RMDN2: variants seen among roughly 807,000 people sequenced by gnomAD.
RMDN2 encodes regulator of microtubule dynamics protein 2.
Under a neutral mutation model 52.8 loss-of-function variants are expected in RMDN2, and 61 were observed. The observed-to-expected ratio is 1.16, with a 90% CI of 0.94 to 1.43. The LOEUF (loss-of-function observed/expected upper bound fraction) is 1.43. Among genes scored for constraint, RMDN2 ranks in the 40% most tolerant of loss-of-function variants. The pLI is 0.00. For missense variants in RMDN2, 592 were observed against 475.3 expected (o/e 1.25, Z -2.28); for synonymous variants, 180 against 153.1 (o/e 1.18, Z -1.30).
chr2:38,066,032 A>G (rs1682263829), intron 10 of RMDN2, among the ~76,000 whole-genome samples: 1 of 152,226 alleles, frequency 6.6e-6, no homozygotes, highest in Non-Finnish European at 1.5e-5. Flanking sequence ...ACACAGGCAC[A>G]CTGGGAAGGG....
intron 10 of RMDN2, chr2:38,029,758 G>T (rs975457668): frequency 6.6e-6 from 1 of 152,110 alleles, no homozygotes; most frequent in Admixed American, 6.6e-5. Flanking sequence ...AGCAGATCAG[G>T]CACAAGAGAT....
intron 1 of RMDN2, among the ~76,000 whole-genome samples, chr2:37,926,573 C>T (rs950538146): frequency 6.6e-6 from 1 of 150,834 alleles, no homozygotes; most frequent in Non-Finnish European, 1.5e-5. Flanking sequence ...GTTTTAAAAT[C>T]TGTTTGGTAA....
Position 38,017,536 on chromosome 2 carries a change from A to C in RMDN2, c.*297A>C. On this transcript the variant is annotated 3_prime_UTR_variant, in exon 11 of 11. Coordinates refer to ENST00000354545, the MANE Select transcript of RMDN2 (RefSeq NM_001170791.3). ...TTCTTTAAATAAAATATTTAAATCC[A>C]ATAAAATGAATTCTCATGAATATTT... 1 of 1,127,704 alleles carries C rather than the reference A, an allele frequency of 8.9e-7. No homozygotes were observed. The highest frequency in any genetic ancestry group is 1.5e-5 in the South Asian group (1 of 66,898). 69.9% of individuals were successfully genotyped at this position (1,127,704 alleles called of 1,614,324 possible). A position where few individuals can be genotyped will look rare whatever the true frequency, so the allele number is the denominator to read the frequency against.
chr2:38,012,896 T>TATAG (rs1450263922), intron 10 of RMDN2, among the ~76,000 whole-genome samples: 4 of 152,354 alleles, frequency 2.6e-5, no homozygotes, highest in African/African-American at 9.6e-5. Context: ...TTGTGGCATT[T>TATAG]ATAGCTTCTT....
At chr2:37,933,737 G>A (rs937273815) in intron 2 of RMDN2, among the ~76,000 whole-genome samples, 6 of 152,214 alleles carry the variant, frequency 3.9e-5, no homozygotes, top group African/African-American at 7.2e-5. Context: ...ATCCAGCTTC[G>A]GCTCGGCATC....
upstream of RMDN2, among the ~76,000 whole-genome samples, chr2:37,921,077 T>C (rs1666017104): frequency 6.6e-6 from 1 of 152,234 alleles, no homozygotes; most frequent in Non-Finnish European, 1.5e-5. Flanking sequence ...TTTAATAAAT[T>C]GATTCAACAT....
chr2:37,929,069 A>G (rs529002953), intron 1 of RMDN2, 193 bp from the exon 2 acceptor site: 10 of 450,940 alleles, frequency 2.2e-5, no homozygotes, highest in African/African-American at 2.0e-4. Flanking sequence ...TAATATGATA[A>G]TTCTTCATTG....
chr2:38,049,729 T>A (rs1681475994), intron 10 of RMDN2, among the ~76,000 whole-genome samples: 1 of 152,172 alleles, frequency 6.6e-6, no homozygotes, highest in Non-Finnish European at 1.5e-5. Context: ...CATGCCACCA[T>A]GCCCAGCTAA....
downstream of RMDN2, among the ~76,000 whole-genome samples, chr2:38,021,976 A>G (rs1411943904): frequency 6.6e-6 from 1 of 152,218 alleles, no homozygotes; most frequent in African/African-American, 2.4e-5. Context: ...TCCTCTGTCC[A>G]ATCCAGTGAG....
At chr2:38,024,245 A>G (rs997238236) in intron 10 of RMDN2, among the ~76,000 whole-genome samples, 2 of 152,222 alleles carry the variant, frequency 1.3e-5, no homozygotes, top group African/African-American at 2.4e-5. Context: ...ATCATCTATG[A>G]AAATTCATAT....
intron 8 of RMDN2, chr2:38,003,006 T>A (rs543053566): frequency 6.6e-6 from 1 of 152,304 alleles, no homozygotes; most frequent in East Asian, 1.9e-4. Flanking sequence ...GAATTCTTAT[T>A]TCCCAGAGAT....
downstream of RMDN2, among the ~76,000 whole-genome samples, chr2:38,019,116 T>C (rs1320540137): frequency 6.6e-6 from 1 of 152,240 alleles, no homozygotes; most frequent in Non-Finnish European, 1.5e-5. Context: ...GCTGAGAGGC[T>C]ATGGATACCT....
chr2:37,989,420 T>C, intron 5 of RMDN2, 121 bp from the exon 6 acceptor site: 1 of 666,870 alleles, frequency 1.5e-6, no homozygotes, highest in Non-Finnish European at 2.7e-6. Flanking sequence ...TATATTTATA[T>C]GAATACTCCT....
At chr2:37,956,701 A>G (rs1669513874) in intron 2 of RMDN2, among the ~76,000 whole-genome samples, 1 of 151,612 alleles carries the variant, frequency 6.6e-6, no homozygotes. Flanking sequence ...ATACATGTGC[A>G]GAAGTGCAGG....
chr2:37,980,491 A>T (rs142483882), intron 4 of RMDN2, among the ~76,000 whole-genome samples: 1 of 151,994 alleles, frequency 6.6e-6, no homozygotes, highest in Non-Finnish European at 1.5e-5. Flanking sequence ...TTTAGTAGAG[A>T]CAGGGTTTCG....
At chr2:37,992,007 G>C (rs1674869596) in intron 7 of RMDN2, among the ~76,000 whole-genome samples, 1 of 152,228 alleles carries the variant, frequency 6.6e-6, no homozygotes, top group Non-Finnish European at 1.5e-5. Context: ...CTTCATTGCA[G>C]CTGAAAGAGA....
At chr2:37,999,443 C>T (rs1676019003) in intron 8 of RMDN2, among the ~76,000 whole-genome samples, 1 of 152,156 alleles carries the variant, frequency 6.6e-6, no homozygotes, top group South Asian at 2.1e-4. Context: ...TTAAACACCT[C>T]AGCAAACCAT....
intron 2 of RMDN2, among the ~76,000 whole-genome samples, chr2:37,949,681 C>T (rs1001681002): frequency 6.6e-6 from 1 of 151,984 alleles, no homozygotes; most frequent in African/African-American, 2.4e-5. Context: ...GGGTTTCCTG[C>T]AGTAGGGTGT....
At position 37,937,774 on chromosome 2, in the gene RMDN2, T is replaced by C. The variant is rs190221708; in HGVS notation, c.452+8045T>C. Among the ~76,000 whole-genome samples, 26 of 152,366 alleles carry C rather than the reference T, an allele frequency of 1.7e-4. No homozygotes were observed. In the East Asian group the frequency reaches 2.5e-3, roughly 15 times the overall value. On this transcript the variant is annotated intron_variant, in intron 2 of 10. Coordinates refer to ENST00000354545, the MANE Select transcript of RMDN2 (RefSeq NM_001170791.3). ...GACTTTGCTGAAGTTGCTTATCAGC[T>C]TAAGGAGATTTGGGGCTGAGACGAT...
Sources: gnomAD v4.1 joint callset for allele counts (sites outside exome capture counted in the v4.1 genomes callset) on GRCh38, gnomAD v4.1.1 for gene constraint, MANE v1.5 for transcripts, NCBI Gene and HGNC (gene_info 2026-07-23, HGNC 2026-07-21) for gene names.